AQP9: variants seen among roughly 807,000 people sequenced by gnomAD.
AQP9 encodes the protein aquaporin 9, also known as aquaporin-9.
In AQP9, 19 loss-of-function variants were observed where a neutral mutation model predicts 23.8. That is an observed-to-expected ratio of 0.80 (90% CI 0.56 to 1.17). AQP9 has a LOEUF of 1.17. AQP9 is among the 50% of genes most tolerant of loss of function. AQP9 has a pLI of 0.00. For missense variants in AQP9, 413 were observed against 362.0 expected (o/e 1.14, Z -1.14); for synonymous variants, 153 against 131.5 (o/e 1.16, Z -1.12).
intron 4 of AQP9, 23 bp downstream of exon 4, chr15:58,175,059 C>A: frequency 6.4e-7 from 1 of 1,570,410 alleles, no homozygotes; most frequent in Non-Finnish European, 8.8e-7. Context: ...TCAACAAAGA[C>A]TTAACTTTGG....
At chr15:58,157,359 T>C (rs1898285289) in intron 1 of AQP9, among the ~76,000 whole-genome samples, 1 of 152,216 alleles carries the variant, frequency 6.6e-6, no homozygotes. Context: ...CAATAATGAA[T>C]ACATACCATC....
chr15:58,145,256 A>G (rs985458990), intron 1 of AQP9, among the ~76,000 whole-genome samples: 3 of 151,988 alleles, frequency 2.0e-5, no homozygotes, highest in Non-Finnish European at 4.4e-5. Context: ...TAATCCCTGC[A>G]CTTTGGGAGG....
At chr15:58,176,852 G>T (rs1332722919) in intron 4 of AQP9, among the ~76,000 whole-genome samples, 3 of 152,054 alleles carry the variant, frequency 2.0e-5, no homozygotes, top group Admixed American at 6.5e-5. Flanking sequence ...CTCATAATCC[G>T]CCTGCCTAAG....
intron 1 of AQP9, among the ~76,000 whole-genome samples, chr15:58,165,413 T>C (rs568957527): frequency 6.6e-6 from 1 of 152,320 alleles, no homozygotes; most frequent in South Asian, 2.1e-4. Flanking sequence ...AGAGAGGATA[T>C]ACAATGAAAA....
chr15:58,169,882 T>C (rs903763362), intron 2 of AQP9, among the ~76,000 whole-genome samples: 2 of 152,172 alleles, frequency 1.3e-5, no homozygotes, highest in African/African-American at 4.8e-5. Context: ...CAAATAGACT[T>C]GCTTTCATTA....
upstream of AQP9, chr15:58,138,258 G>A (rs201810971): frequency 1.0e-3 from 192 of 183,532 alleles, 1 homozygote; most frequent in East Asian, 1.5e-3. Context: ...AACCAACAGA[G>A]AAAAAAGTAC....
chr15:58,162,587 G>A (rs1369746818), intron 1 of AQP9, among the ~76,000 whole-genome samples: 7 of 152,150 alleles, frequency 4.6e-5, no homozygotes, highest in East Asian at 1.9e-4. Flanking sequence ...TGCCTTCTGC[G>A]TGCTGTCAAG....
intron 4 of AQP9, among the ~76,000 whole-genome samples, chr15:58,175,315 C>A (rs907454331): frequency 6.6e-6 from 1 of 152,216 alleles, no homozygotes; most frequent in African/African-American, 2.4e-5. Flanking sequence ...TCCCTGTAGA[C>A]ACAAATGGAC....
chr15:58,141,460 T>G (rs1213799577), intron 1 of AQP9, among the ~76,000 whole-genome samples: 1 of 152,182 alleles, frequency 6.6e-6, no homozygotes, highest in African/African-American at 2.4e-5. Context: ...TTTTGGCATC[T>G]CTTAGAATGG....
At chr15:58,146,164 A>G (rs1374073316) in intron 1 of AQP9, among the ~76,000 whole-genome samples, 15 of 152,056 alleles carry the variant, frequency 9.9e-5, no homozygotes, top group African/African-American at 3.1e-4. Context: ...CCAATTCTGG[A>G]AAATTTTCCT....
At chr15:58,150,290 G>A (rs1898124434) in intron 1 of AQP9, 1 of 152,628 alleles carries the variant, frequency 6.6e-6, no homozygotes, top group Non-Finnish European at 1.5e-5. Context: ...AATTACCTTA[G>A]GCATATACTT....
intron 1 of AQP9, among the ~76,000 whole-genome samples, chr15:58,147,546 C>T (rs1435351245): frequency 1.3e-5 from 2 of 152,134 alleles, no homozygotes; most frequent in Non-Finnish European, 2.9e-5. Context: ...CGGCCCTGCC[C>T]CTTGCCCTTT....
intron 5 of AQP9, among the ~76,000 whole-genome samples, chr15:58,181,989 G>A (rs1168230778): frequency 6.6e-6 from 1 of 151,976 alleles, no homozygotes; most frequent in Non-Finnish European, 1.5e-5. Flanking sequence ...TACACCTAAG[G>A]TCTTAGAAAA....
chr15:58,167,834 C>T (rs142285732), intron 2 of AQP9, among the ~76,000 whole-genome samples: 15,477 of 152,020 alleles, frequency 0.1, 963 homozygotes, highest in Non-Finnish European at 0.14. Context: ...GCGATTCTCC[C>T]GCCTCAGCCT....
chr15:58,183,884 C>A (rs1318831716), intron 5 of AQP9, 77 bp from the exon 6 acceptor site: 2 of 1,465,574 alleles, frequency 1.4e-6, no homozygotes, highest in Non-Finnish European at 9.3e-7. Flanking sequence ...GAAAGACTAA[C>A]AAGTGAGTGA....
In AQP9 at chr15:58,184,147, G is replaced by C. The variant is rs780523751; in HGVS notation, c.*12G>C. 47 of 1,610,560 alleles carry C rather than the reference G, an allele frequency of 2.9e-5. 1 individual carries two copies. The highest frequency in any genetic ancestry group is 2.0e-4 in the Admixed American group (12 of 59,820). ...GTGTCATCATGTAGTGGCATGCTCA[G>C]CTCTGGATTTGCAGTCAGTTTGGGA... On this transcript the variant is annotated 3_prime_UTR_variant, in exon 6 of 6. Transcript: ENST00000219919.
chr15:58,167,945 G>A (rs767864561), intron 2 of AQP9, among the ~76,000 whole-genome samples: 2 of 151,936 alleles, frequency 1.3e-5, no homozygotes, highest in Non-Finnish European at 2.9e-5. Context: ...GGCTGGTCTC[G>A]AGCTCCTGAC....
chr15:58,183,689 C>T (rs1898942275), intron 5 of AQP9, among the ~76,000 whole-genome samples: 1 of 151,980 alleles, frequency 6.6e-6, no homozygotes, highest in African/African-American at 2.4e-5. Flanking sequence ...TAACGATGGG[C>T]TCAGGCACTA....
chr15:58,143,667 ATCT>A (rs745765640), intron 1 of AQP9, among the ~76,000 whole-genome samples: 1 of 152,184 alleles, frequency 6.6e-6, no homozygotes, highest in Non-Finnish European at 1.5e-5. Context: ...TAGCTTATAC[ATCT>A]TCTCCAATTT....
Sources: gnomAD v4.1 joint callset for allele counts (sites outside exome capture counted in the v4.1 genomes callset) on GRCh38, gnomAD v4.1.1 for gene constraint, MANE v1.5 for transcripts, NCBI Gene and HGNC (gene_info 2026-07-23, HGNC 2026-07-21) for gene names.